Variants in MYH14 observed in about 807,000 individuals in gnomAD.
The protein encoded by MYH14 is myosin heavy chain 14.
In MYH14, 123 loss-of-function variants were observed where a neutral mutation model predicts 255.5. The ratio of observed to expected loss-of-function variants is 0.48; its 90% CI spans 0.42 to 0.56. MYH14 has a LOEUF of 0.56. Ranked by LOEUF, MYH14 falls within the 20% of genes least tolerant of loss-of-function variation. The pLI is 0.00. For missense variants in MYH14, 2,423 were observed against 2,802.3 expected (o/e 0.86, Z 3.06); for synonymous variants, 1,095 against 1,161.2 (o/e 0.94, Z 1.16).
In MYH14 at chr19:50,267,012, A is replaced by C; in HGVS notation, c.2826+4A>C. The C allele has an allele frequency of 2.4e-6, 2 of 842,426 alleles. No homozygotes were observed. Among genetic ancestry groups the C allele is most frequent in the Non-Finnish European group, 2.9e-6 (2 of 681,142 alleles). The allele number at this position is 842,426 out of a possible 1,614,324, so 52.2% of individuals were successfully genotyped here. ...GCTCCAGGGCCGAGTGGCACAGGTG[A>C]GGGGGCGGGGGCAGGGCGTGGGGGC... On this transcript the variant is annotated splice_donor_region_variant and intron_variant, in intron 23 of 42. Transcript: ENST00000642316.
At chr19:50,257,164 A>G (rs147334364) in intron 17 of MYH14, 135 bp from the exon 18 acceptor site, 1 of 665,430 alleles carries the variant, frequency 1.5e-6, no homozygotes, top group East Asian at 2.7e-5. Context: ...GCTGATATCT[A>G]CCTTACAGGC....
Position 50,280,211 on chromosome 19 carries a change from G to A in MYH14, c.4138-20G>A. On this transcript the variant is annotated intron_variant, in intron 31 of 42. Coordinates refer to ENST00000642316, the MANE Select transcript of MYH14 (RefSeq NM_001145809.2). This position sits in a 1 kb window ranked among gnomAD's most constrained non-coding sequence, Gnocchi z 4.8. ...TGTCCTCCCAGCCACACCTGACATT[G>A]CCGTCTCCTCCATCTACAGGAGCTG... 1 of 1,553,860 alleles carries A rather than the reference G, an allele frequency of 6.4e-7. No individual in the cohort carries two copies. The highest frequency in any genetic ancestry group is 8.7e-7 in the Non-Finnish European group (1 of 1,148,446).
chr19:50,214,226 C>T (rs2032352059), intron 2 of MYH14, among the ~76,000 whole-genome samples: 1 of 152,194 alleles, frequency 6.6e-6, no homozygotes, highest in Non-Finnish European at 1.5e-5. Context: ...TAGCTAAAGA[C>T]ACTGAGACCC....
At position 50,280,459 on chromosome 19, in the gene MYH14, A is replaced by G; in HGVS notation, c.4290+76A>G. On this transcript the variant is annotated intron_variant, in intron 32 of 42. Transcript: ENST00000642316. This position sits in a 1 kb window ranked among gnomAD's most constrained non-coding sequence, Gnocchi z 4.8. ...TCCTCCTGGGTTCCCCAGCTCAGGG[A>G]TGGCCATGCTGCCCACCTTCTCATA... The G allele has an allele frequency of 4.9e-6, 7 of 1,418,624 alleles. No individual in the cohort carries two copies. The highest frequency in any genetic ancestry group is 6.6e-6 in the Non-Finnish European group (7 of 1,067,738). 87.9% of individuals were successfully genotyped at this position (1,418,624 alleles called of 1,614,324 possible).
At position 50,262,236 on chromosome 19, in the gene MYH14, T is replaced by G. The variant is rs573248460; in HGVS notation, c.2585+601T>G. Among the ~76,000 whole-genome samples the G allele has an allele frequency of 6.6e-5, 10 of 152,176 alleles. No individual in the cohort carries two copies. The South Asian group carries it at 1.9e-3, about 28-fold the overall frequency. ...GCACGCTTCAGGAATACAGGGAGTT[T>G]GCGGGAGAGTCTCCTTCCTCCTTAG... On this transcript the variant is annotated intron_variant, in intron 21 of 42. Coordinates refer to ENST00000642316, the MANE Select transcript of MYH14 (RefSeq NM_001145809.2).
At chr19:50,218,787 AGT>A (rs768743320) in intron 3 of MYH14, among the ~76,000 whole-genome samples, 214 of 151,808 alleles carry the variant, frequency 1.4e-3, no homozygotes, top group Non-Finnish European at 2.7e-3. Flanking sequence ...GAGTCCCCAA[AGT>A]CAGTTGTGTC....
intron 17 of MYH14, among the ~76,000 whole-genome samples, chr19:50,256,644 G>A (rs2034601758): frequency 6.6e-6 from 1 of 152,220 alleles, no homozygotes; most frequent in African/African-American, 2.4e-5. Flanking sequence ...AAAGTGCTGA[G>A]ATTACAGGCA....
rs1412060543 is a variant in MYH14 at position 50,230,958 on chromosome 19, C to T, written c.973+335C>T. 1 of 314,452 alleles carries T rather than the reference C, an allele frequency of 3.2e-6. No homozygotes were observed. Among genetic ancestry groups the T allele is most frequent in the Non-Finnish European group, 6.1e-6 (1 of 164,652 alleles). The allele number at this position is 314,452 out of a possible 1,614,324, so 19.5% of individuals were successfully genotyped here. Reference sequence around the variant, plus strand: ...GGCTTCTCCTCACTCCGGCGGGTGACTCCGGCTTTGCTGAGGCTCCTCCTG... The same window carrying T: ...GGCTTCTCCTCACTCCGGCGGGTGATTCCGGCTTTGCTGAGGCTCCTCCTG... On this transcript the variant is annotated intron_variant, in intron 9 of 42. Coordinates refer to ENST00000642316, the MANE Select transcript of MYH14 (RefSeq NM_001145809.2). This position sits in a 1 kb window ranked among gnomAD's most constrained non-coding sequence, Gnocchi z 4.7.
At chr19:50,214,215 T>C (rs2032351686) in intron 2 of MYH14, among the ~76,000 whole-genome samples, 1 of 152,204 alleles carries the variant, frequency 6.6e-6, no homozygotes, top group African/African-American at 2.4e-5. Context: ...TCTGTCCCCG[T>C]TAGCTAAAGA....
chr19:50,302,149 T>A (rs2036506880), intron 40 of MYH14, among the ~76,000 whole-genome samples: 1 of 148,242 alleles, frequency 6.7e-6, no homozygotes, highest in Non-Finnish European at 1.5e-5. Context: ...CCAGGTGTGT[T>A]AGCGTGTGCC....
chr19:50,265,112 G>T lies in MYH14; in HGVS notation c.2694+1692G>T, dbSNP rs188562774. Among the ~76,000 whole-genome samples the T allele has an allele frequency of 4.1e-4, 63 of 152,366 alleles. No individual in the cohort carries two copies. The East Asian group carries it at 9.6e-3, about 23-fold the overall frequency. On this transcript the variant is annotated intron_variant, in intron 22 of 42. Transcript: ENST00000642316. ...ATGGAGCTCACAGTCTGGGACAAGA[G>T]TTGCTGCACTGCGGCCTGTGGGCCA...
Position 50,231,955 on chromosome 19 carries a change from C to T in MYH14, c.999C>T (p.Ser333=). The T allele has an allele frequency of 6.2e-7, 1 of 1,613,988 alleles. No homozygotes were observed. The highest frequency in any genetic ancestry group is 8.5e-7 in the Non-Finnish European group (1 of 1,179,908). Residue 333 remains serine (S), a synonymous_variant, in exon 10 of 43, where the codon TCC becomes TCT. Coordinates refer to ENST00000642316, the MANE Select transcript of MYH14 (RefSeq NM_001145809.2). ...CCGACCTCCTCCTCGAGCCCTGCTC[C>T]CACTACCGGTTCCTGACCAACGGGC... ...LKADLLLEPC[S]HYRFLTNGPS...
intron 12 of MYH14, 77 bp from the exon 13 acceptor site, chr19:50,248,910 C>T: frequency 2.6e-6 from 4 of 1,536,710 alleles, no homozygotes; most frequent in Non-Finnish European, 3.6e-6. Flanking sequence ...GCTGGGGGCC[C>T]TTCCCCGGTT....
At chr19:50,260,492 G>A (rs923067404) in intron 19 of MYH14, among the ~76,000 whole-genome samples, 154 bp from the exon 20 acceptor site, 1 of 152,170 alleles carries the variant, frequency 6.6e-6, no homozygotes, top group Admixed American at 6.5e-5. Context: ...TGGTGGTGGC[G>A]TGAATGCTCA....
chr19:50,236,697 G>A (rs902050114), intron 10 of MYH14, among the ~76,000 whole-genome samples: 1 of 151,700 alleles, frequency 6.6e-6, no homozygotes, highest in Non-Finnish European at 1.5e-5. Flanking sequence ...GTCAGAGCAA[G>A]ACTCCATCTC....
intron 2 of MYH14, among the ~76,000 whole-genome samples, chr19:50,215,851 T>C (rs767327178): frequency 4.9e-4 from 75 of 152,096 alleles, no homozygotes; most frequent in Non-Finnish European, 4.0e-4. Flanking sequence ...GTCCTGCTGC[T>C]AACCAGCTTA....
chr19:50,219,342 T>G (rs2032686173), intron 3 of MYH14, among the ~76,000 whole-genome samples: 1 of 151,966 alleles, frequency 6.6e-6, no homozygotes, highest in Non-Finnish European at 1.5e-5. Context: ...CTACTTTTGG[T>G]TCTTTAAGTA....
chr19:50,286,425 T>G (rs2035889576), intron 33 of MYH14, 57 bp from the exon 34 acceptor site: 5 of 1,515,408 alleles, frequency 3.3e-6, no homozygotes, highest in Admixed American at 3.9e-5. Flanking sequence ...CCCGTTCCCT[T>G]GTACACTCCT....
intron 12 of MYH14, among the ~76,000 whole-genome samples, chr19:50,247,482 T>C (rs2123296197): frequency 6.6e-6 from 1 of 151,990 alleles, no homozygotes; most frequent in Admixed American, 6.6e-5. Flanking sequence ...CCAGCCTGGG[T>C]GACAGACTGA....
Sources: gnomAD v4.1 joint callset for allele counts (sites outside exome capture counted in the v4.1 genomes callset) on GRCh38, gnomAD v4.1.1 for gene constraint, Gnocchi (gnomAD v3.1) non-coding constraint, MANE v1.5 for transcripts, NCBI Gene and HGNC (gene_info 2026-07-23, HGNC 2026-07-21) for gene names.